PLCB4: variants seen among roughly 807,000 people sequenced by gnomAD.
PLCB4 encodes the protein phospholipase C beta 4.
Under a neutral mutation model 178.8 loss-of-function variants are expected in PLCB4, and 77 were observed. The observed-to-expected ratio is 0.43, with a 90% CI of 0.36 to 0.52. The LOEUF is 0.52. Among genes scored for constraint, PLCB4 ranks in the 20% least tolerant of loss-of-function variants. The probability of loss-of-function intolerance (pLI) is 0.00; values close to 1 mark genes in which losing one functional copy is unlikely to be tolerated. For missense variants in PLCB4, 1,024 were observed against 1,453.4 expected, an observed-to-expected ratio of 0.70 and a Z score of 4.80; for synonymous variants, 496 against 490.8, an observed-to-expected ratio of 1.01 and a Z score of -0.14.
At chr20:9,131,692 G>A (rs775122818) in intron 2 of PLCB4, among the ~76,000 whole-genome samples, 23 of 152,204 alleles carry the variant, frequency 1.5e-4, no homozygotes, top group Non-Finnish European at 2.8e-4. Context: ...AACCATGGTA[G>A]ACTGTTACAT....
chr20:9,153,817 A>G (rs556337817), intron 2 of PLCB4, among the ~76,000 whole-genome samples: 12 of 152,250 alleles, frequency 7.9e-5, no homozygotes, highest in Admixed American at 2.6e-4. Flanking sequence ...CTTCATCAGG[A>G]AATGATTATT....
chr20:9,375,793 G>C (rs965789465), intron 12 of PLCB4, among the ~76,000 whole-genome samples: 1 of 152,078 alleles, frequency 6.6e-6, no homozygotes, highest in African/African-American at 2.4e-5. Flanking sequence ...GAAGTAATTA[G>C]AGAGTTCAGC....
intron 3 of PLCB4, among the ~76,000 whole-genome samples, chr20:9,280,955 A>G (rs2094490188): frequency 6.6e-6 from 1 of 151,988 alleles, no homozygotes; most frequent in Admixed American, 6.6e-5. Flanking sequence ...GCTACAAAAA[A>G]AAAAAAAAAG....
intron 1 of PLCB4, among the ~76,000 whole-genome samples, chr20:9,086,443 G>T (rs939598891): frequency 6.6e-6 from 1 of 152,026 alleles, no homozygotes; most frequent in African/African-American, 2.4e-5. Flanking sequence ...GAAGCCGAGT[G>T]ACCTTGGTCA....
At chr20:9,471,440 T>G (rs2044184252) in intron 36 of PLCB4, among the ~76,000 whole-genome samples, 1 of 151,918 alleles carries the variant, frequency 6.6e-6, no homozygotes, top group Non-Finnish European at 1.5e-5. Context: ...ATGTTAGGAA[T>G]GAAAAGGGGA....
chr20:9,185,670 A>G (rs1424620602), intron 2 of PLCB4, among the ~76,000 whole-genome samples: 1 of 152,154 alleles, frequency 6.6e-6, no homozygotes, highest in Non-Finnish European at 1.5e-5. Context: ...AGTAAAAGCC[A>G]GAGTCTTTAC....
chr20:9,155,373 C>T (rs1482696159), intron 2 of PLCB4, among the ~76,000 whole-genome samples: 2 of 152,008 alleles, frequency 1.3e-5, no homozygotes, highest in Non-Finnish European at 2.9e-5. Context: ...AGGTTGGTTC[C>T]ACATCTTTGC....
intron 3 of PLCB4, among the ~76,000 whole-genome samples, chr20:9,241,560 A>T (rs1465864270): frequency 6.6e-6 from 1 of 152,212 alleles, no homozygotes; most frequent in Non-Finnish European, 1.5e-5. Flanking sequence ...CCAAGTCAGG[A>T]TACTTGTGTG....
intron 4 of PLCB4, among the ~76,000 whole-genome samples, chr20:9,317,192 G>A (rs751635769): frequency 1.3e-5 from 2 of 152,072 alleles, no homozygotes; most frequent in Non-Finnish European, 2.9e-5. Context: ...TGATGGTAAT[G>A]GTAGTAATGA....
intron 2 of PLCB4, among the ~76,000 whole-genome samples, chr20:9,194,801 C>T (rs1420912119): frequency 1.3e-5 from 2 of 150,918 alleles, no homozygotes; most frequent in East Asian, 1.9e-4. Context: ...ATAATATTTG[C>T]GGTGATTATA....
intron 36 of PLCB4, among the ~76,000 whole-genome samples, chr20:9,471,690 G>A (rs1306422599): frequency 6.6e-6 from 1 of 152,210 alleles, no homozygotes; most frequent in Non-Finnish European, 1.5e-5. Context: ...TGCAAGTTAA[G>A]ACAATAAGCT....
chr20:9,476,108 C>A (rs1989067924), intron 38 of PLCB4, among the ~76,000 whole-genome samples: 1 of 152,178 alleles, frequency 6.6e-6, no homozygotes, highest in Admixed American at 6.6e-5. Context: ...TGGATTCAGT[C>A]CATTAGCTAA....
At chr20:9,182,445 T>C (rs544465323) in intron 2 of PLCB4, among the ~76,000 whole-genome samples, 1 of 152,150 alleles carries the variant, frequency 6.6e-6, no homozygotes, top group Non-Finnish European at 1.5e-5. Context: ...TTTTGGGGAA[T>C]TTGCTCAATC....
chr20:9,327,387 C>T (rs1035121264), intron 4 of PLCB4, among the ~76,000 whole-genome samples: 12 of 150,986 alleles, frequency 7.9e-5, no homozygotes, highest in African/African-American at 2.7e-4. Flanking sequence ...TTTGAGGCTG[C>T]GGTGCTATGA....
intron 2 of PLCB4, chr20:9,166,386 T>A (rs192660911): frequency 1.1e-3 from 167 of 152,300 alleles, no homozygotes; most frequent in African/African-American, 3.8e-3. Context: ...GTATTTGTTG[T>A]TCGACTTAGG....
At chr20:9,411,339 C>G (rs139323280) in intron 25 of PLCB4, among the ~76,000 whole-genome samples, 1 of 152,294 alleles carries the variant, frequency 6.6e-6, no homozygotes, top group East Asian at 1.9e-4. Flanking sequence ...GTTTAATCCT[C>G]TCACTTTAAA....
At chr20:9,339,198 AC>A (rs2032887016) in intron 7 of PLCB4, among the ~76,000 whole-genome samples, 161 bp downstream of exon 7, 1 of 152,194 alleles carries the variant, frequency 6.6e-6, no homozygotes, top group Non-Finnish European at 1.5e-5. Context: ...CAATTAAAAT[AC>A]CCTTTTAGCA....
At chr20:9,281,164 G>A (rs574533664) in intron 3 of PLCB4, among the ~76,000 whole-genome samples, 1 of 151,930 alleles carries the variant, frequency 6.6e-6, no homozygotes, top group African/African-American at 2.4e-5. Flanking sequence ...TCAAATATTG[G>A]CTTCACCATT....
chr20:9,128,249 C>G (rs569568766), intron 2 of PLCB4, among the ~76,000 whole-genome samples: 7 of 152,220 alleles, frequency 4.6e-5, no homozygotes, highest in African/African-American at 1.7e-4. Flanking sequence ...ACCACCTGCT[C>G]CCTCTTGATT....
Sources: allele counts gnomAD v4.1 joint callset (sites outside exome capture counted in the v4.1 genomes callset), GRCh38; gene constraint gnomAD v4.1.1; transcripts MANE v1.5; gene names NCBI Gene and HGNC (gene_info 2026-07-23, HGNC 2026-07-21).